The following TAF4 variants were observed in gnomAD, a reference collection of about 807,000 sequenced individuals.
TAF4 encodes TATA-box binding protein associated factor 4.
In TAF4, 9 loss-of-function variants were observed where a neutral mutation model predicts 90.3. The observed-to-expected ratio is 0.10, with a 90% CI of 0.06 to 0.17. The LOEUF (loss-of-function observed/expected upper bound fraction) is 0.17. Ranked by LOEUF, TAF4 falls within the 10% of genes least tolerant of loss-of-function variation. The pLI, the probability that TAF4 is intolerant of heterozygous loss-of-function variation, is 1.00. For missense variants in TAF4, 1,351 were observed against 1,370.7 expected (o/e 0.99, Z 0.23); for synonymous variants, 818 against 638.9 (o/e 1.28, Z -4.23).
At chr20:62,022,300 G>A (rs994508482) in intron 1 of TAF4, among the ~76,000 whole-genome samples, 1 of 152,138 alleles carries the variant, frequency 6.6e-6, no homozygotes, top group African/African-American at 2.4e-5. Context: ...GCTGGCTGCA[G>A]AATAAAGGCA....
intron 14 of TAF4, chr20:61,980,755 A>G (rs1002180209): frequency 6.6e-6 from 1 of 152,296 alleles, no homozygotes; most frequent in African/African-American, 2.4e-5. Flanking sequence ...TCTGCACTGG[A>G]CGAGGGCGCC....
chr20:62,035,940 AAATT>A (rs2055929849), intron 1 of TAF4, among the ~76,000 whole-genome samples: 1 of 152,178 alleles, frequency 6.6e-6, no homozygotes, highest in Admixed American at 6.5e-5. Flanking sequence ...TAAACATAGA[AAATT>A]AATTTCCTCT....
At position 62,035,437 on chromosome 20, in the gene TAF4, G is replaced by A. The variant is rs536478844; in HGVS notation, c.1361-20730C>T. On this transcript the variant is annotated intron_variant, in intron 1 of 14. Coordinates refer to ENST00000252996, the MANE Select transcript of TAF4 (RefSeq NM_003185.4). ...ATATAAAACCTGAAATGTTACAGACGGGCCATGGAGACCACAGAGGTGAGG... is the reference window on the plus strand; with the variant it reads ...ATATAAAACCTGAAATGTTACAGACAGGCCATGGAGACCACAGAGGTGAGG... Among the ~76,000 whole-genome samples the A allele has an allele frequency of 7.9e-5, 12 of 152,220 alleles. No homozygotes were observed. In the East Asian group the frequency reaches 2.3e-3, roughly 29 times the overall value.
chr20:62,024,262 A>G (rs548467066), intron 1 of TAF4, among the ~76,000 whole-genome samples: 88 of 152,328 alleles, frequency 5.8e-4, no homozygotes, highest in African/African-American at 2.1e-3. Flanking sequence ...CCGACACCCC[A>G]TAGTGTGTAC....
rs568855769 is a variant in TAF4 at position 62,001,192 on chromosome 20, C to T, written c.2487-471G>A. ...ACATTCTGCACGTGTTTCCTACAGACAAGGGCATCCCCTCCAGAAGCAGGA... is the reference window on the plus strand; with the variant it reads ...ACATTCTGCACGTGTTTCCTACAGATAAGGGCATCCCCTCCAGAAGCAGGA... On this transcript the variant is annotated intron_variant, in intron 9 of 14. Transcript: ENST00000252996. 2.0e-5 allele frequency among the ~76,000 whole-genome samples: 3 copies of T among 152,338 alleles called. No homozygotes were observed. The East Asian group carries it at 5.8e-4, about 29-fold the overall frequency.
In TAF4 at chr20:62,064,629, G is replaced by A. The variant is rs1472246258; in HGVS notation, c.1182C>T (p.Pro394=). Residue 394 remains proline, a synonymous_variant, in exon 1 of 15, where the codon CCC becomes CCT. Coordinates refer to ENST00000252996, the MANE Select transcript of TAF4 (RefSeq NM_003185.4). ...CTTTGGGCAGCCCGGTGGGGGTCCC[G>A]GGGGCGGGCGGCGGGACGGCGGCCG... ...PSPAAVPPPA[P]GTPTGLPKGA... The A allele has an allele frequency of 1.5e-6, 2 of 1,352,178 alleles. No homozygotes were observed. The highest frequency in any genetic ancestry group is 1.8e-5 in the South Asian group (1 of 56,122). The allele number at this position is 1,352,178 out of a possible 1,614,324, so 83.8% of individuals were successfully genotyped here.
chr20:62,056,597 C>A (rs1393994677), intron 1 of TAF4, among the ~76,000 whole-genome samples: 1 of 151,956 alleles, frequency 6.6e-6, no homozygotes, highest in Non-Finnish European at 1.5e-5. Context: ...CACCGAGGGC[C>A]AAGGGAAAGT....
Position 62,000,184 on chromosome 20 carries a change from C to T in TAF4, c.2727G>A (p.Arg909=). 1.2e-6 allele frequency: 2 copies of T among 1,614,216 alleles called. No homozygotes were observed. The highest frequency in any genetic ancestry group is 1.7e-6 in the Non-Finnish European group (2 of 1,180,010). Residue 909 remains arginine, a synonymous_variant, in exon 11 of 15, where the codon AGG becomes AGA. Transcript: ENST00000252996. ...VSYVSHATQQ[R]LQNLVEKISE... is the part of the protein sequence containing the mutation. The stretch of plus-strand genomic sequence containing the variant: ...ATATTTTCTCTACAAGATTCTGTAG[C>T]CTTTGTTGCGTGGCATGTGATACAT...
intron 9 of TAF4, 115 bp from the exon 10 acceptor site, chr20:62,000,836 C>T: frequency 9.1e-7 from 1 of 1,094,748 alleles, no homozygotes; most frequent in Non-Finnish European, 1.3e-6. Context: ...GGAGGCCAGG[C>T]CTCTGTCCTC....
intron 1 of TAF4, among the ~76,000 whole-genome samples, chr20:62,063,573 C>T (rs557438158): frequency 6.6e-6 from 1 of 152,320 alleles, no homozygotes; most frequent in East Asian, 1.9e-4. Context: ...AACTGCCAGG[C>T]GGAAGTGGCG....
intron 1 of TAF4, among the ~76,000 whole-genome samples, chr20:62,046,959 A>G (rs1448378431): frequency 6.6e-6 from 1 of 152,200 alleles, no homozygotes; most frequent in Non-Finnish European, 1.5e-5. Context: ...TACTCTGGAC[A>G]CCAGTTCTTT....
chr20:61,999,109 C>CT lies in TAF4; in HGVS notation c.2788-2dup, dbSNP rs1364447473. 6.2e-7 allele frequency: 1 copy of CT among 1,613,676 alleles called. No individual in the cohort carries two copies. The highest frequency in any genetic ancestry group is 8.5e-7 in the Non-Finnish European group (1 of 1,179,942). ...TCGCCTGCTCATATCTGTCGTCATC[C>CT]TATGAAGAAAGTTAAAATACTGCTT... On this transcript the variant is annotated splice_acceptor_variant, in intron 11 of 14. Transcript: ENST00000252996. LOFTEE classifies it high-confidence loss of function.
chr20:62,004,395 C>CGGT (rs2055730615), intron 7 of TAF4: 1 of 137,316 alleles, frequency 7.3e-6, no homozygotes, highest in Non-Finnish European at 1.5e-5. Flanking sequence ...GGCATGATCT[C>CGGT]GGTTCACTGC....
At chr20:62,054,133 CCT>C (rs1239772647) in intron 1 of TAF4, among the ~76,000 whole-genome samples, 1 of 152,190 alleles carries the variant, frequency 6.6e-6, no homozygotes, top group Non-Finnish European at 1.5e-5. Flanking sequence ...TTTGAAAGCC[CCT>C]GTGCTTTAGT....
chr20:62,046,644 C>T (rs548016418), intron 1 of TAF4, among the ~76,000 whole-genome samples: 2 of 152,332 alleles, frequency 1.3e-5, no homozygotes, highest in East Asian at 3.9e-4. Context: ...GGTGGGGCTG[C>T]CGCACACGGT....
intron 14 of TAF4, among the ~76,000 whole-genome samples, chr20:61,983,561 G>T (rs1309359060): frequency 6.6e-6 from 1 of 152,154 alleles, no homozygotes. Flanking sequence ...TACTGGGGCG[G>T]CTGAGGCAGG....
intron 1 of TAF4, among the ~76,000 whole-genome samples, chr20:62,038,477 G>T (rs1034008532): frequency 1.3e-5 from 2 of 151,834 alleles, no homozygotes; most frequent in Middle Eastern, 6.8e-3. Context: ...GACCCACCGC[G>T]CCCGGCCAAA....
chr20:62,003,182 CCTT>C lies in TAF4; in HGVS notation c.2461_2463del (p.Lys821del). 6.2e-7 allele frequency: 1 copy of C among 1,614,174 alleles called. No individual in the cohort carries two copies. Among genetic ancestry groups the C allele is most frequent in the Non-Finnish European group, 8.5e-7 (1 of 1,180,038 alleles). On this transcript the variant is annotated inframe_deletion, in exon 9 of 15. Coordinates refer to ENST00000252996, the MANE Select transcript of TAF4 (RefSeq NM_003185.4). ...TACCGAAACGAACCTCCCCCAGGCT[CCTT>C]GAGTTTATTTTTCTGTGCAGCAGCT...
chr20:62,032,895 A>T (rs1270032142), intron 1 of TAF4, among the ~76,000 whole-genome samples: 1 of 152,184 alleles, frequency 6.6e-6, no homozygotes. Context: ...TCATCAGTCT[A>T]TGCTAGGAAG....
Sources: allele counts gnomAD v4.1 joint callset (sites outside exome capture counted in the v4.1 genomes callset), GRCh38; gene constraint gnomAD v4.1.1; transcripts MANE v1.5; gene names NCBI Gene and HGNC (gene_info 2026-07-23, HGNC 2026-07-21).